Variants in ZNF382 observed in about 807,000 individuals in gnomAD.
ZNF382 encodes the protein zinc finger protein 382, also known as KRAB/zinc finger suppressor protein 1.
In ZNF382, 20 loss-of-function variants were observed where a neutral mutation model predicts 38.8. The observed-to-expected ratio is 0.51, with a 90% CI of 0.36 to 0.75. The LOEUF (loss-of-function observed/expected upper bound fraction) is 0.75. Ranked by LOEUF, ZNF382 falls within the 30% of genes least tolerant of loss-of-function variation. ZNF382 has a pLI of 0.00. For synonymous variants in ZNF382, 202 were observed against 223.1 expected, an observed-to-expected ratio of 0.91 and a Z score of 0.84; for missense variants, 546 against 654.1, an observed-to-expected ratio of 0.83 and a Z score of 1.80.
chr19:36,627,555 T>A lies in ZNF382; in HGVS notation c.*5T>A, dbSNP rs368883361. On this transcript the variant is annotated 3_prime_UTR_variant, in exon 5 of 5. Transcript: ENST00000292928. ...GAAACCACGGGAATTCAGTAAGTAA[T>A]GTGGCTTTTTTTGTAAAAAAATGTT... 2.5e-6 allele frequency: 4 copies of A among 1,599,532 alleles called. 1 individual carries two copies. The highest frequency in any genetic ancestry group is 3.4e-6 in the Non-Finnish European group (4 of 1,170,006).
In ZNF382 at chr19:36,629,401, G is replaced by T. The variant is rs1425859732; in HGVS notation, c.*1851G>T. On this transcript the variant is annotated 3_prime_UTR_variant, in exon 5 of 5. Transcript: ENST00000292928. ...GCCAACCATGTAAGTGAGGCCTCTTGGACATCCAGTCAAGCCTTCAGATGA... is the reference window on the plus strand; with the variant it reads ...GCCAACCATGTAAGTGAGGCCTCTTTGACATCCAGTCAAGCCTTCAGATGA... The T allele has an allele frequency of 1.3e-5, 2 of 152,010 alleles. No homozygotes were observed. Among genetic ancestry groups the T allele is most frequent in the Non-Finnish European group, 2.9e-5 (2 of 68,040 alleles). The allele number at this position is 152,010 out of a possible 1,614,324, so 9.4% of individuals were successfully genotyped here.
At chr19:36,612,598 T>C (rs1043981887) in intron 4 of ZNF382, among the ~76,000 whole-genome samples, 2 of 152,236 alleles carry the variant, frequency 1.3e-5, no homozygotes, top group African/African-American at 4.8e-5. Context: ...TGTATGAGAA[T>C]GTTGATTGCC....
At chr19:36,625,201 T>G (rs1476737889) in intron 4 of ZNF382, among the ~76,000 whole-genome samples, 6 of 148,352 alleles carry the variant, frequency 4.0e-5, no homozygotes, top group African/African-American at 1.5e-4. Flanking sequence ...TAATTCCTCA[T>G]GGGAATATGT....
intron 4 of ZNF382, among the ~76,000 whole-genome samples, chr19:36,620,650 C>T (rs1487727576): frequency 6.6e-6 from 1 of 152,220 alleles, no homozygotes; most frequent in Non-Finnish European, 1.5e-5. Flanking sequence ...ATATTTTAAT[C>T]TGCCAACAGA....
chr19:36,609,728 A>G (rs1049239602), intron 2 of ZNF382, 174 bp from the exon 3 acceptor site: 5 of 599,896 alleles, frequency 8.3e-6, no homozygotes, highest in African/African-American at 1.9e-5. Context: ...ATTCAGGACA[A>G]ATAGTGTGAT....
intron 4 of ZNF382, among the ~76,000 whole-genome samples, chr19:36,615,311 G>A (rs540639729): frequency 6.6e-6 from 1 of 152,180 alleles, no homozygotes; most frequent in African/African-American, 2.4e-5. Flanking sequence ...ATTACATATA[G>A]TAATTATAAT....
chr19:36,615,068 C>T (rs1461625822), intron 4 of ZNF382, among the ~76,000 whole-genome samples: 7 of 149,984 alleles, frequency 4.7e-5, no homozygotes, highest in African/African-American at 1.7e-4. Context: ...CTGCAACCTC[C>T]GACTCCCGGG....
rs139981533 is a variant in ZNF382, at chr19:36,614,440, C to T, written c.232+3698C>T. On this transcript the variant is annotated intron_variant, in intron 4 of 4. Transcript: ENST00000292928. Reference sequence around the variant, plus strand: ...CAACTTCTTGATTTCTTTAGATAAACGTGCTAGGTTTTTTATTAGTGAGAG... The same window carrying T: ...CAACTTCTTGATTTCTTTAGATAAATGTGCTAGGTTTTTTATTAGTGAGAG... Among the ~76,000 whole-genome samples, 591 of 152,264 alleles carry T rather than the reference C, an allele frequency of 3.9e-3. 2 individuals are homozygous for T. The highest frequency in any genetic ancestry group is 6.8e-3 in the South Asian group (33 of 4,832).
At chr19:36,619,520 G>A (rs1256972477) in intron 4 of ZNF382, among the ~76,000 whole-genome samples, 1 of 152,132 alleles carries the variant, frequency 6.6e-6, no homozygotes, top group Non-Finnish European at 1.5e-5. Flanking sequence ...GCAGCTGGGT[G>A]TCTCTGCCTG....
chr19:36,626,186 C>T lies in ZNF382; in HGVS notation c.289C>T (p.His97Tyr). ...GAAGTTCAAAGAATACCAAGACAGG[C>T]ATTCTAGACCCCTCATATTCATCAA... The part of the protein sequence containing the change: ...LVKFKEYQDR[H>Y]SRPLIFINHK... The change falls in exon 5 of 5, where the codon CAT (histidine) becomes TAT (tyrosine). Residue 97 changes from histidine (H) to tyrosine (Y), a missense_variant. Coordinates refer to ENST00000292928, the MANE Select transcript of ZNF382 (RefSeq NM_032825.5). 3 of 1,575,622 alleles carry T rather than the reference C, an allele frequency of 1.9e-6. No individual in the cohort carries two copies. The highest frequency in any genetic ancestry group is 2.6e-6 in the Non-Finnish European group (3 of 1,168,544).
chr19:36,625,448 G>A (rs1294448973), intron 4 of ZNF382, among the ~76,000 whole-genome samples: 1 of 151,584 alleles, frequency 6.6e-6, no homozygotes, highest in Non-Finnish European at 1.5e-5. Flanking sequence ...TTGTCACATT[G>A]CCTACTGTTC....
intron 2 of ZNF382, 170 bp from the exon 3 acceptor site, chr19:36,609,732 G>C (rs1484486411): frequency 1.8e-5 from 11 of 609,882 alleles, no homozygotes; most frequent in Non-Finnish European, 2.1e-5. Context: ...AGGACAAATA[G>C]TGTGATCTCA....
intron 4 of ZNF382, among the ~76,000 whole-genome samples, chr19:36,612,662 C>G (rs2145316727): frequency 6.6e-6 from 1 of 152,232 alleles, no homozygotes; most frequent in African/African-American, 2.4e-5. Context: ...TCATTTTGAC[C>G]ATTCTGGTTG....
At chr19:36,614,962 T>TC (rs2037113594) in intron 4 of ZNF382, among the ~76,000 whole-genome samples, 1 of 134,944 alleles carries the variant, frequency 7.4e-6, no homozygotes, top group Non-Finnish European at 1.6e-5. Context: ...TCCCTTCCTT[T>TC]CCTTTCCTTT....
At chr19:36,611,866 A>C (rs945756673) in intron 4 of ZNF382, among the ~76,000 whole-genome samples, 46 of 152,132 alleles carry the variant, frequency 3.0e-4, no homozygotes, top group African/African-American at 1.1e-3. Flanking sequence ...GAGATCTGTA[A>C]AGTGCCTATA....
At chr19:36,612,731 T>G (rs2145316848) in intron 4 of ZNF382, among the ~76,000 whole-genome samples, 1 of 152,354 alleles carries the variant, frequency 6.6e-6, no homozygotes, top group South Asian at 2.1e-4. Context: ...GAAAACTTTT[T>G]CAAGTGCATT....
Position 36,607,633 on chromosome 19 carries a change from G to C in ZNF382, c.-14+11G>C, listed in dbSNP as rs1301356105. Reference sequence around the variant, plus strand: ...AAAGCCATGTCTCAGGTGAGATGATGTTTCCTCTCTTTCTGAAATAACTTT... The same window carrying C: ...AAAGCCATGTCTCAGGTGAGATGATCTTTCCTCTCTTTCTGAAATAACTTT... On this transcript the variant is annotated intron_variant, in intron 2 of 4. Transcript: ENST00000292928. The C allele has an allele frequency of 1.6e-5, 24 of 1,519,260 alleles. No homozygotes were observed. The highest frequency in any genetic ancestry group is 1.9e-5 in the Non-Finnish European group (22 of 1,141,588). 94.1% of individuals were successfully genotyped at this position (1,519,260 alleles called of 1,614,324 possible).
At chr19:36,613,913 A>G (rs1031008145) in intron 4 of ZNF382, among the ~76,000 whole-genome samples, 3 of 152,204 alleles carry the variant, frequency 2.0e-5, no homozygotes, top group Admixed American at 2.0e-4. Context: ...GTATCAGTCT[A>G]TTTTTGGACA....
chr19:36,619,520 G>T (rs1256972477), intron 4 of ZNF382, among the ~76,000 whole-genome samples: 2 of 152,132 alleles, frequency 1.3e-5, no homozygotes, highest in African/African-American at 2.4e-5. Context: ...GCAGCTGGGT[G>T]TCTCTGCCTG....
Sources: gnomAD v4.1 joint callset for allele counts (sites outside exome capture counted in the v4.1 genomes callset) on GRCh38, gnomAD v4.1.1 for gene constraint, MANE v1.5 for transcripts, NCBI Gene and HGNC (gene_info 2026-07-23, HGNC 2026-07-21) for gene names.